Variants in IL1RAPL1 observed in about 807,000 individuals in gnomAD.
IL1RAPL1 encodes the protein interleukin-1 receptor accessory protein-like 1.
In IL1RAPL1, 3 loss-of-function variants were observed where a neutral mutation model predicts 48.4. The observed-to-expected ratio is 0.06, with a 90% CI of 0.03 to 0.16. IL1RAPL1 has a LOEUF of 0.16. IL1RAPL1 is among the 10% of genes least tolerant of loss of function. The pLI is 1.00. For missense variants in IL1RAPL1, 349 were observed against 530.6 expected (o/e 0.66, Z 3.36); for synonymous variants, 185 against 187.7 (o/e 0.99, Z 0.12).
chrX:29,845,039 C>T (rs1931217743), intron 6 of IL1RAPL1, among the ~76,000 whole-genome samples: 1 of 112,002 alleles, frequency 8.9e-6, no homozygotes, highest in African/African-American at 3.2e-5. Flanking sequence ...GGTTCTTTCT[C>T]TGAGCCTCCA....
chrX:28,886,983 G>C (rs373329898), intron 2 of IL1RAPL1, among the ~76,000 whole-genome samples: 1 of 112,007 alleles, frequency 8.9e-6, no homozygotes, highest in East Asian at 2.8e-4. Flanking sequence ...TTTAGGTACA[G>C]TATTTAACTT....
chrX:29,025,740 G>A, intron 2 of IL1RAPL1, among the ~76,000 whole-genome samples: 1 of 111,348 alleles, frequency 9.0e-6, no homozygotes, highest in Non-Finnish European at 1.9e-5. Flanking sequence ...ACACCACGGT[G>A]CCTAGGATTA....
intron 1 of IL1RAPL1, among the ~76,000 whole-genome samples, chrX:28,751,847 T>G (rs942630444): frequency 1.8e-5 from 2 of 112,131 alleles, no homozygotes; most frequent in African/African-American, 6.5e-5. Context: ...GTGGTTTTTT[T>G]TTGGTATAGT....
chrX:29,566,961 G>A (rs1922427910), intron 5 of IL1RAPL1, among the ~76,000 whole-genome samples: 1 of 111,646 alleles, frequency 9.0e-6, no homozygotes, highest in East Asian at 2.8e-4. Flanking sequence ...ACAGTTAAGA[G>A]ATGAGTATAG....
chrX:29,359,464 C>T (rs1367823738), intron 3 of IL1RAPL1, among the ~76,000 whole-genome samples: 1 of 112,241 alleles, frequency 8.9e-6, no homozygotes, highest in Non-Finnish European at 1.9e-5. Flanking sequence ...TACTATTTGT[C>T]CTGTCAACTC....
intron 5 of IL1RAPL1, among the ~76,000 whole-genome samples, chrX:29,585,550 T>A (rs1003623727): frequency 8.9e-6 from 1 of 111,993 alleles, no homozygotes; most frequent in Non-Finnish European, 1.9e-5. Context: ...AGAGTTGGAT[T>A]ACTGGATCAT....
chrX:28,923,206 C>T (rs1367520723), intron 2 of IL1RAPL1, among the ~76,000 whole-genome samples: 3 of 109,716 alleles, frequency 2.7e-5, no homozygotes, highest in Admixed American at 9.8e-5. Context: ...GAAGGAGTTT[C>T]GCTCTTATTG....
chrX:29,191,358 G>A (rs946093503), intron 2 of IL1RAPL1, among the ~76,000 whole-genome samples: 50 of 111,233 alleles, frequency 4.5e-4, no homozygotes, highest in African/African-American at 1.6e-3. Context: ...AACCTAGTCC[G>A]CATTTTATAA....
At chrX:29,772,386 G>C (rs1279085750) in intron 6 of IL1RAPL1, among the ~76,000 whole-genome samples, 2 of 110,600 alleles carry the variant, frequency 1.8e-5, no homozygotes, top group Non-Finnish European at 3.8e-5. Flanking sequence ...TAATAATATT[G>C]TACGTTAGTG....
rs375158457 is a variant in IL1RAPL1 at position 29,155,180 on chromosome X, G to T, written c.83-127758G>T. Among the ~76,000 whole-genome samples, 13 of 109,918 alleles carry T rather than the reference G, an allele frequency of 1.2e-4. No individual in the cohort carries two copies. The East Asian group carries it at 2.6e-3, about 22-fold the overall frequency. ...ACGCCACCACATGCCACCACGCCTG[G>T]CTAATTTTTTTAGTGGAGACGGGGT... is the stretch of plus-strand genomic sequence containing the variant. On this transcript the variant is annotated intron_variant, in intron 2 of 10. Coordinates refer to ENST00000378993, the MANE Select transcript of IL1RAPL1 (RefSeq NM_014271.4).
intron 5 of IL1RAPL1, among the ~76,000 whole-genome samples, chrX:29,405,360 C>CTTTCTTTTTTTTTTTTTTTT (rs1377087452): frequency 1.0e-5 from 1 of 99,460 alleles, no homozygotes; most frequent in African/African-American, 4.5e-5. Context: ...TCTCTGTGTT[C>CTTTCTTTTTTTTTTTTTTTT]TTTATTTATT....
At chrX:29,708,363 A>G (rs1408829205) in intron 6 of IL1RAPL1, among the ~76,000 whole-genome samples, 1 of 111,540 alleles carries the variant, frequency 9.0e-6, no homozygotes, top group Admixed American at 9.6e-5. Context: ...TTTTCCTCCA[A>G]TTTAACAGAA....
chrX:28,990,661 T>C (rs1056876383), intron 2 of IL1RAPL1, among the ~76,000 whole-genome samples: 6 of 111,579 alleles, frequency 5.4e-5, no homozygotes, highest in Admixed American at 3.8e-4. Flanking sequence ...CCAGTGACCG[T>C]CTGTTGAGAT....
intron 3 of IL1RAPL1, among the ~76,000 whole-genome samples, chrX:29,335,869 T>C: frequency 9.0e-6 from 1 of 111,038 alleles, no homozygotes; most frequent in Admixed American, 9.6e-5. Context: ...TCTTTAACTT[T>C]TGAAAAAATG....
rs1206249169 is a variant in IL1RAPL1 at position 29,694,038 on chromosome X, G to A, written c.778+25534G>A. On this transcript the variant is annotated intron_variant, in intron 6 of 10. Coordinates refer to ENST00000378993, the MANE Select transcript of IL1RAPL1 (RefSeq NM_014271.4). ...ATTTGTCATCATTTAAGGAAAACCC[G>A]TACATCAGATATAATAAGCAGCTAT... Among the ~76,000 whole-genome samples the A allele has an allele frequency of 6.3e-5, 7 of 111,309 alleles. No individual in the cohort carries two copies. The East Asian group carries it at 1.1e-3, about 18-fold the overall frequency.
At chrX:29,753,237 G>A (rs1225494234) in intron 6 of IL1RAPL1, among the ~76,000 whole-genome samples, 2 of 111,534 alleles carry the variant, frequency 1.8e-5, no homozygotes, top group African/African-American at 6.5e-5. Flanking sequence ...TCTAGTAGGT[G>A]TTTCTCAGAG....
intron 1 of IL1RAPL1, among the ~76,000 whole-genome samples, chrX:28,731,732 C>A (rs1460943204): frequency 9.0e-6 from 1 of 111,442 alleles, no homozygotes; most frequent in African/African-American, 3.3e-5. Context: ...CTGACTATTC[C>A]CTGCCTATGT....
chrX:29,003,211 G>A (rs1052436464), intron 2 of IL1RAPL1, among the ~76,000 whole-genome samples: 5 of 111,541 alleles, frequency 4.5e-5, no homozygotes, highest in Non-Finnish European at 7.5e-5. Flanking sequence ...TGTACATACT[G>A]CAAGTGGGTA....
At chrX:29,597,257 G>A (rs1237023580) in intron 5 of IL1RAPL1, among the ~76,000 whole-genome samples, 2 of 105,461 alleles carry the variant, frequency 1.9e-5, no homozygotes, top group Non-Finnish European at 3.9e-5. Flanking sequence ...AGGTTCAATC[G>A]ATTCTCCTGC....
Sources: allele counts gnomAD v4.1 joint callset (sites outside exome capture counted in the v4.1 genomes callset), GRCh38; gene constraint gnomAD v4.1.1; transcripts MANE v1.5; gene names NCBI Gene and HGNC (gene_info 2026-07-23, HGNC 2026-07-21).